RIMS1: variants seen among roughly 807,000 people sequenced by gnomAD.
The protein encoded by RIMS1 is regulating synaptic membrane exocytosis 1.
Under a neutral mutation model 214.1 loss-of-function variants are expected in RIMS1, and 83 were observed. The observed-to-expected ratio is 0.39, with a 90% CI of 0.32 to 0.47. The LOEUF (loss-of-function observed/expected upper bound fraction) is 0.47. RIMS1 is among the 20% of genes least tolerant of loss of function. The probability of loss-of-function intolerance (pLI) is 0.99; values close to 1 mark genes in which losing one functional copy is unlikely to be tolerated. For missense variants in RIMS1, 2,050 were observed against 2,161.8 expected, an observed-to-expected ratio of 0.95 and a Z score of 1.03; for synonymous variants, 793 against 786.8, an observed-to-expected ratio of 1.01 and a Z score of -0.13.
intron 18 of RIMS1, among the ~76,000 whole-genome samples, chr6:72,259,710 G>C (rs983822452): frequency 6.6e-6 from 1 of 152,066 alleles, no homozygotes; most frequent in Non-Finnish European, 1.5e-5. Context: ...ATTACTATAA[G>C]TCTACATTAT....
At chr6:71,896,400 A>T (rs190325501) in intron 1 of RIMS1, among the ~76,000 whole-genome samples, 1 of 152,254 alleles carries the variant, frequency 6.6e-6, no homozygotes, top group East Asian at 1.9e-4. Context: ...AAGCATTAGA[A>T]AGGGATTTTA....
Position 72,158,516 on chromosome 6 carries a change from G to A in RIMS1, c.472-21059G>A, listed in dbSNP as rs1396362373. Among the ~76,000 whole-genome samples the A allele has an allele frequency of 2.9e-5, 4 of 137,478 alleles. 1 individual carries two copies. Among genetic ancestry groups the A allele is most frequent in the East Asian group, 2.1e-4 (1 of 4,852 alleles). 90.2% of individuals were successfully genotyped at this position (137,478 alleles called of 152,430 possible). ...GTTGGTGTGCTGCACCCATTAACTC[G>A]TCATTTAACATTAGGTATATCTCCT... On this transcript the variant is annotated intron_variant, in intron 4 of 33. Coordinates refer to ENST00000521978, the MANE Select transcript of RIMS1 (RefSeq NM_014989.7).
chr6:72,328,388 T>G (rs1397596705), intron 28 of RIMS1, among the ~76,000 whole-genome samples: 1 of 151,736 alleles, frequency 6.6e-6, no homozygotes, highest in African/African-American at 2.4e-5. Flanking sequence ...ATGGCACGTA[T>G]ATACCTATGT....
chr6:72,309,201 G>A (rs1238054309), intron 27 of RIMS1, among the ~76,000 whole-genome samples: 1 of 152,018 alleles, frequency 6.6e-6, no homozygotes, highest in East Asian at 1.9e-4. Context: ...TTAATTAGTC[G>A]ATCCAAAAAA....
rs142113033 is a variant in RIMS1 at position 72,193,796 on chromosome 6, TAATACC to T, written c.1678+10649_1678+10654del. Among the ~76,000 whole-genome samples the T allele has an allele frequency of 2.5e-3, 376 of 152,292 alleles. 1 individual carries two copies. Among genetic ancestry groups the T allele is most frequent in the Middle Eastern group, 0.02 (6 of 294 alleles). ...CATATCTTTATTTTGCCTGTGGTACTAATACCATATATGTTTATTATCATAATTATG... is the reference window on the plus strand; with the variant it reads ...CATATCTTTATTTTGCCTGTGGTACTATATATGTTTATTATCATAATTATG... On this transcript the variant is annotated intron_variant, in intron 6 of 33. Coordinates refer to ENST00000521978, the MANE Select transcript of RIMS1 (RefSeq NM_014989.7).
intron 29 of RIMS1, among the ~76,000 whole-genome samples, chr6:72,347,195 A>G (rs1216175680): frequency 1.3e-5 from 2 of 151,868 alleles, no homozygotes; most frequent in Non-Finnish European, 2.9e-5. Flanking sequence ...CCTAAAATTG[A>G]TACCTGGCTT....
At chr6:72,194,620 G>T (rs537669014) in intron 6 of RIMS1, among the ~76,000 whole-genome samples, 2 of 152,202 alleles carry the variant, frequency 1.3e-5, no homozygotes, top group South Asian at 4.1e-4. Flanking sequence ...TTGATGTATT[G>T]ATATAATATT....
At chr6:72,138,515 A>G (rs907517672) in intron 4 of RIMS1, among the ~76,000 whole-genome samples, 8 of 152,292 alleles carry the variant, frequency 5.3e-5, no homozygotes, top group African/African-American at 1.4e-4. Flanking sequence ...ATGTGTAAAA[A>G]TGTTTGTATA....
chr6:72,012,250 T>C (rs7763259), intron 2 of RIMS1, among the ~76,000 whole-genome samples: 17,412 of 151,960 alleles, frequency 0.11, 1,181 homozygotes, highest in South Asian at 0.17. Flanking sequence ...AAACACCGCA[T>C]GTTGTCACTC....
At chr6:72,075,978 C>T (rs539952373) in intron 2 of RIMS1, among the ~76,000 whole-genome samples, 236 of 152,166 alleles carry the variant, frequency 1.6e-3, no homozygotes, top group Middle Eastern at 3.4e-3. Context: ...AGTAAATATG[C>T]GAGTATGTGA....
Position 72,251,293 on chromosome 6 carries a change from C to T in RIMS1, c.2623C>T (p.Leu875=). 1.3e-6 allele frequency: 2 copies of T among 1,599,160 alleles called. No homozygotes were observed. Among genetic ancestry groups the T allele is most frequent in the Non-Finnish European group, 1.7e-6 (2 of 1,172,188 alleles). The change falls in exon 15 of 34, where the codon CTA becomes TTA. Residue 875 remains leucine (L), a synonymous_variant. Coordinates refer to ENST00000521978, the MANE Select transcript of RIMS1 (RefSeq NM_014989.7). ...ACTTCAGACACATGATGAGTCTTCACTACCTCTGCCTCAGCCATCACCTTT... is the reference window on the plus strand; with the variant it reads ...ACTTCAGACACATGATGAGTCTTCATTACCTCTGCCTCAGCCATCACCTTT... The part of the protein sequence containing the change: ...YKLQTHDESS[L]PLPQPSPFMP...
chr6:72,112,800 A>G (rs1180198567), intron 4 of RIMS1, among the ~76,000 whole-genome samples: 1 of 152,190 alleles, frequency 6.6e-6, no homozygotes, highest in Non-Finnish European at 1.5e-5. Context: ...CCTGTGAAAT[A>G]TATATCTACC....
At chr6:72,182,094 TTAATA>T (rs2048484263) in intron 5 of RIMS1, among the ~76,000 whole-genome samples, 185 bp from the exon 6 acceptor site, 1 of 152,218 alleles carries the variant, frequency 6.6e-6, no homozygotes, top group Non-Finnish European at 1.5e-5. Context: ...TTGGTAATAA[TTAATA>T]TGTGTTCCCA....
chr6:72,057,674 A>T (rs1024716729), intron 2 of RIMS1, among the ~76,000 whole-genome samples: 1 of 151,674 alleles, frequency 6.6e-6, no homozygotes, highest in Admixed American at 6.6e-5. Flanking sequence ...CTACTAGCTA[A>T]TTTTTTGTAT....
intron 1 of RIMS1, among the ~76,000 whole-genome samples, chr6:71,950,921 T>C (rs1376776303): frequency 2.0e-5 from 3 of 152,158 alleles, no homozygotes; most frequent in Non-Finnish European, 2.9e-5. Flanking sequence ...TATTTACGTA[T>C]TTTATTGGGC....
chr6:72,391,562 C>G (rs928711451), intron 30 of RIMS1, among the ~76,000 whole-genome samples: 1 of 151,986 alleles, frequency 6.6e-6, no homozygotes, highest in African/African-American at 2.4e-5. Flanking sequence ...TACTCATATA[C>G]CAATTTGATA....
chr6:72,213,673 A>C (rs1369276645), intron 6 of RIMS1, among the ~76,000 whole-genome samples: 4 of 152,206 alleles, frequency 2.6e-5, no homozygotes, highest in Admixed American at 6.5e-5. Context: ...ATGTCAATGC[A>C]AAAATAGGAA....
chr6:72,185,782 C>T (rs978618818), intron 6 of RIMS1, among the ~76,000 whole-genome samples: 1 of 152,166 alleles, frequency 6.6e-6, no homozygotes, highest in African/African-American at 2.4e-5. Flanking sequence ...TATGCATTGC[C>T]ATAAAGTTAC....
intron 24 of RIMS1, among the ~76,000 whole-genome samples, chr6:72,284,401 A>G (rs2091552533): frequency 6.6e-6 from 1 of 152,168 alleles, no homozygotes. Flanking sequence ...TCATTCCTAT[A>G]TACATATTAG....
Sources: allele counts gnomAD v4.1 joint callset (sites outside exome capture counted in the v4.1 genomes callset), GRCh38; gene constraint gnomAD v4.1.1; transcripts MANE v1.5; gene names NCBI Gene and HGNC (gene_info 2026-07-23, HGNC 2026-07-21).